The following SNTG2 variants were observed in gnomAD, a reference collection of about 807,000 sequenced individuals.
SNTG2 encodes syntrophin gamma 2.
SNTG2 carries 74 observed loss-of-function variants against 70.9 expected under a neutral mutation model. That is an observed-to-expected ratio of 1.04 (90% CI 0.86 to 1.27). SNTG2 has a LOEUF of 1.27. SNTG2 is among the 50% of genes most tolerant of loss of function. The pLI, the probability that SNTG2 is intolerant of heterozygous loss-of-function variation, is 0.00. For synonymous variants in SNTG2, 278 were observed against 273.8 expected (o/e 1.02, Z -0.15); for missense variants, 717 against 690.7 (o/e 1.04, Z -0.43).
chr2:982,698 C>T (rs1186752989), intron 1 of SNTG2, among the ~76,000 whole-genome samples: 6 of 152,222 alleles, frequency 3.9e-5, no homozygotes, highest in Admixed American at 3.3e-4. Flanking sequence ...GGGCAGGGCC[C>T]CTGTCACTGT....
intron 1 of SNTG2, among the ~76,000 whole-genome samples, chr2:974,697 T>C (rs892509014): frequency 1.3e-5 from 2 of 152,182 alleles, no homozygotes; most frequent in Non-Finnish European, 2.9e-5. Flanking sequence ...CATTTCCTAC[T>C]CTGGAGCTCT....
At chr2:1,000,786 TA>T (rs201707618) in intron 1 of SNTG2, among the ~76,000 whole-genome samples, 1 of 150,780 alleles carries the variant, frequency 6.6e-6, no homozygotes, top group African/African-American at 2.4e-5. Context: ...ATCATCATGA[TA>T]AAAAAAACCT....
intron 16 of SNTG2, among the ~76,000 whole-genome samples, chr2:1,355,670 G>A (rs1184745117): frequency 6.6e-6 from 1 of 152,162 alleles, no homozygotes; most frequent in Non-Finnish European, 1.5e-5. Flanking sequence ...CTCTCTTGGA[G>A]ATACTGATTC....
At chr2:1,162,626 A>G (rs1028965787) in intron 6 of SNTG2, among the ~76,000 whole-genome samples, 26 of 152,144 alleles carry the variant, frequency 1.7e-4, no homozygotes, top group Non-Finnish European at 3.5e-4. Flanking sequence ...GAGGGCTTGC[A>G]GGGCCTTGTG....
At chr2:1,120,005 A>G (rs180762266) in intron 4 of SNTG2, among the ~76,000 whole-genome samples, 1 of 152,294 alleles carries the variant, frequency 6.6e-6, no homozygotes, top group Non-Finnish European at 1.5e-5. Flanking sequence ...GGCATTGATA[A>G]TTCCTTCTCT....
At chr2:1,334,727 G>C (rs367925400) in intron 16 of SNTG2, among the ~76,000 whole-genome samples, 2 of 152,088 alleles carry the variant, frequency 1.3e-5, no homozygotes, top group African/African-American at 4.8e-5. Context: ...TTCATAAATG[G>C]GAGCTAAGTG....
chr2:964,070 T>G (rs1010508004), intron 1 of SNTG2, among the ~76,000 whole-genome samples: 1 of 152,192 alleles, frequency 6.6e-6, no homozygotes, highest in African/African-American at 2.4e-5. Context: ...AGCTTTGTAA[T>G]CAGATCTGTC....
At chr2:1,169,475 G>A (rs1670977918) in intron 7 of SNTG2, among the ~76,000 whole-genome samples, 1 of 152,186 alleles carries the variant, frequency 6.6e-6, no homozygotes, top group African/African-American at 2.4e-5. Context: ...AGATGGCAGA[G>A]GAAGTGCCCC....
intron 1 of SNTG2, among the ~76,000 whole-genome samples, chr2:1,015,617 T>C (rs1466711039): frequency 5.9e-5 from 9 of 152,142 alleles, no homozygotes; most frequent in Non-Finnish European, 1.3e-4. Context: ...ATTGGAGAAA[T>C]ATAAATTTCC....
intron 4 of SNTG2, among the ~76,000 whole-genome samples, chr2:1,109,817 G>A (rs770608085): frequency 6.6e-5 from 10 of 152,122 alleles, no homozygotes; most frequent in Admixed American, 1.3e-4. Flanking sequence ...GTGTATATTC[G>A]GGAGACAAAT....
intron 8 of SNTG2, among the ~76,000 whole-genome samples, chr2:1,199,569 G>C (rs964560071): frequency 1.3e-5 from 2 of 152,054 alleles, no homozygotes; most frequent in African/African-American, 4.8e-5. Flanking sequence ...TTGAAAAATA[G>C]GAAGTTAAAT....
chr2:1,203,667 A>AT (rs1553355207), intron 8 of SNTG2, among the ~76,000 whole-genome samples: 1 of 59,706 alleles, frequency 1.7e-5, no homozygotes, highest in African/African-American at 6.0e-5. Context: ...AACAAACAAA[A>AT]AAAAAAATAT....
At position 1,239,755 on chromosome 2, in the gene SNTG2, A is replaced by T. The variant is rs1676928399; in HGVS notation, c.867A>T (p.Lys289Asn). Residue 289 changes from lysine to asparagine, a missense_variant, in exon 11 of 17, where the codon AAA becomes AAT. Physicochemically the swap from Lys to Asn is moderately conservative, Grantham distance 94 (BLOSUM62 0). Coordinates refer to ENST00000308624, the MANE Select transcript of SNTG2 (RefSeq NM_018968.4). ...CTCCACAGATGAAGATGGCGAACAA[A>T]TGCTGCTCTCCTTCCGACCAGGTAG... ...LTLQNMKMAN[K>N]CCSPSDQVVH... The T allele has an allele frequency of 6.2e-7, 1 of 1,613,442 alleles. No individual in the cohort carries two copies. Among genetic ancestry groups the T allele is most frequent in the Admixed American group, 1.7e-5 (1 of 59,972 alleles).
chr2:1,067,032 T>A (rs1663206567), intron 1 of SNTG2, among the ~76,000 whole-genome samples: 1 of 152,156 alleles, frequency 6.6e-6, no homozygotes, highest in Non-Finnish European at 1.5e-5. Flanking sequence ...CTCCTCTCCT[T>A]TACGACCCAT....
chr2:1,239,397 A>G (rs1167678973), intron 10 of SNTG2, among the ~76,000 whole-genome samples: 1 of 152,244 alleles, frequency 6.6e-6, no homozygotes, highest in East Asian at 1.9e-4. Context: ...GATCACCGTA[A>G]TTACCATCAC....
chr2:1,327,402 G>A (rs1681805951), intron 16 of SNTG2, among the ~76,000 whole-genome samples: 1 of 152,124 alleles, frequency 6.6e-6, no homozygotes, highest in Non-Finnish European at 1.5e-5. Flanking sequence ...TATGTTCGAT[G>A]AATATCATCA....
At chr2:1,278,145 C>G (rs1368330356) in intron 14 of SNTG2, among the ~76,000 whole-genome samples, 2 of 152,210 alleles carry the variant, frequency 1.3e-5, no homozygotes, top group Non-Finnish European at 2.9e-5. Context: ...GAATAAGTTT[C>G]ACGGTATAAC....
At chr2:1,175,296 G>A (rs1403035397) in intron 8 of SNTG2, among the ~76,000 whole-genome samples, 1 of 152,074 alleles carries the variant, frequency 6.6e-6, no homozygotes, top group Non-Finnish European at 1.5e-5. Context: ...GTATTCTATT[G>A]GTCAATATCA....
chr2:1,137,885 T>G lies in SNTG2; in HGVS notation c.411+76T>G, dbSNP rs1367973463. ...ATTATTTGTCTCTATAGTTGATATT[T>G]CACTGAGTCTATCCATAGATGCAGT... is the stretch of plus-strand genomic sequence containing the variant. On this transcript the variant is annotated intron_variant, in intron 6 of 16. Transcript: ENST00000308624. 3 of 1,322,512 alleles carry G rather than the reference T, an allele frequency of 2.3e-6. No individual in the cohort carries two copies. The East Asian group carries it at 7.0e-5, about 31-fold the overall frequency. 81.9% of individuals were successfully genotyped at this position (1,322,512 alleles called of 1,614,324 possible). A position where few individuals can be genotyped will look rare whatever the true frequency, so the allele number is the denominator to read the frequency against.
Sources: gnomAD v4.1 joint callset for allele counts (sites outside exome capture counted in the v4.1 genomes callset) on GRCh38, gnomAD v4.1.1 for gene constraint, MANE v1.5 for transcripts, NCBI Gene and HGNC (gene_info 2026-07-23, HGNC 2026-07-21) for gene names.